ARHGEF18: variants seen among roughly 807,000 people sequenced by gnomAD.
ARHGEF18 encodes the protein rho guanine nucleotide exchange factor 18.
A neutral mutation model predicts 155.7 loss-of-function variants in ARHGEF18; 93 were observed. The ratio of observed to expected loss-of-function variants is 0.60; its 90% CI spans 0.50 to 0.71. The LOEUF (loss-of-function observed/expected upper bound fraction) is 0.71. Ranked by LOEUF, ARHGEF18 falls within the 30% of genes least tolerant of loss-of-function variation. The probability of loss-of-function intolerance (pLI) is 0.00; values close to 1 mark genes in which losing one functional copy is unlikely to be tolerated. For missense variants in ARHGEF18, 1,593 were observed against 1,816.1 expected (o/e 0.88, Z 2.23); for synonymous variants, 742 against 753.1 (o/e 0.99, Z 0.24).
chr19:7,462,119 C>T lies in ARHGEF18; in HGVS notation c.2453-33C>T, dbSNP rs757925153. On this transcript the variant is annotated intron_variant, in intron 20 of 28. Transcript: ENST00000668164. This position sits in a 1 kb window ranked among gnomAD's most constrained non-coding sequence, Gnocchi z 4.4. ...CAGATGATTCCAGGGAAGGCCGACCCGGCTGACTGCCACCTCCACCATCAC... is the reference window on the plus strand; with the variant it reads ...CAGATGATTCCAGGGAAGGCCGACCTGGCTGACTGCCACCTCCACCATCAC... The T allele has an allele frequency of 6.8e-6, 11 of 1,613,096 alleles. No individual in the cohort carries two copies. Among genetic ancestry groups the T allele is most frequent in the African/African-American group, 6.7e-5 (5 of 74,926 alleles).
At position 7,463,994 on chromosome 19, in the gene ARHGEF18, G is replaced by A. The variant is rs762075922; in HGVS notation, c.2773+39G>A. On this transcript the variant is annotated intron_variant, in intron 22 of 28. Coordinates refer to ENST00000668164, the MANE Select transcript of ARHGEF18 (RefSeq NM_001367823.1). This position sits in a 1 kb window ranked among gnomAD's most constrained non-coding sequence, Gnocchi z 5.2. ...CGTCTCCCCTCCTGCCTCCAGGGCC[G>A]CCCCTCAGGATGCACATTAACTTGT... 4.3e-5 allele frequency: 66 copies of A among 1,535,464 alleles called. 1 individual carries two copies. Among genetic ancestry groups the A allele is most frequent in the South Asian group, 2.9e-4 (24 of 83,432 alleles).
In ARHGEF18 at chr19:7,444,128, G is replaced by C; in HGVS notation, c.1361-76G>C. On this transcript the variant is annotated intron_variant, in intron 13 of 28. Transcript: ENST00000668164. The surrounding 1 kb of genome is among the most constrained non-coding windows in gnomAD (Gnocchi z 4.7). ...TCAGAAGCCAGTTCAGCACGTGAAG[G>C]GCAGGCAGCACCCACGACTGCCCAG... 1 of 1,568,112 alleles carries C rather than the reference G, an allele frequency of 6.4e-7. No homozygotes were observed. Among genetic ancestry groups the C allele is most frequent in the Non-Finnish European group, 8.7e-7 (1 of 1,153,242 alleles).
intron 10 of ARHGEF18, among the ~76,000 whole-genome samples, chr19:7,419,948 C>T (rs1309216807): frequency 6.6e-6 from 1 of 151,510 alleles, no homozygotes; most frequent in Non-Finnish European, 1.5e-5. Flanking sequence ...CCCAGGTGTA[C>T]TCACACTCGG....
intron 10 of ARHGEF18, chr19:7,394,891 C>A: frequency 5.0e-6 from 1 of 201,634 alleles, no homozygotes; most frequent in Non-Finnish European, 8.8e-6. Context: ...AGCCCCCCAA[C>A]CCCGCTGACC....
rs748735912 is a variant in ARHGEF18 at position 7,440,364 on chromosome 19, C to G, written c.988C>G (p.Arg330Gly). ...LSSASLKEHP[R>G]GTLLSDGSPA... ...CACAGCCTCGCTCAAGGAGCACCCC[C>G]GGGGCACCCTCCTGTCCGATGGCAG... is the stretch of plus-strand genomic sequence containing the variant. Residue 330 changes from arginine (R) to glycine (G), a missense_variant, in exon 11 of 29, where the codon CGG becomes GGG. Arg to Gly is a moderately radical substitution (Grantham distance 125). Coordinates refer to ENST00000668164, the MANE Select transcript of ARHGEF18 (RefSeq NM_001367823.1). The surrounding 1 kb of genome is among the most constrained non-coding windows in gnomAD (Gnocchi z 5.4). 1 of 1,612,502 alleles carries G rather than the reference C, an allele frequency of 6.2e-7. No individual in the cohort carries two copies. Among genetic ancestry groups the G allele is most frequent in the East Asian group, 2.2e-5 (1 of 44,868 alleles).
At chr19:7,355,634 G>A in intron 1 of ARHGEF18, 1 of 985,456 alleles carries the variant, frequency 1.0e-6, no homozygotes, top group Non-Finnish European at 1.2e-6. Context: ...CCCCATGGCT[G>A]ACTCGGTGCT....
At position 7,471,224 on chromosome 19, in the gene ARHGEF18, C is replaced by T. The variant is rs1004694811; in HGVS notation, c.*926C>T. The T allele has an allele frequency of 2.0e-4, 34 of 172,346 alleles. No individual in the cohort carries two copies. The East Asian group carries it at 4.6e-3, about 24-fold the overall frequency. 10.7% of individuals were successfully genotyped at this position (172,346 alleles called of 1,614,324 possible). A position where few individuals can be genotyped will look rare whatever the true frequency, so the allele number is the denominator to read the frequency against. On this transcript the variant is annotated 3_prime_UTR_variant, in exon 29 of 29. Coordinates refer to ENST00000668164, the MANE Select transcript of ARHGEF18 (RefSeq NM_001367823.1). The surrounding 1 kb of genome is among the most constrained non-coding windows in gnomAD (Gnocchi z 4.4). ...TGGGGGCTGGCACATCACAGACTGT[C>T]GAGAGCGCCATGTCCCAGGGCATGC...
rs541440437 is a variant in ARHGEF18, at chr19:7,389,964, G to A, written c.967+6761G>A. 7.2e-5 allele frequency among the ~76,000 whole-genome samples: 11 copies of A among 152,266 alleles called. No individual in the cohort carries two copies. The South Asian group carries it at 2.3e-3, about 32-fold the overall frequency. ...CTCCTGTAATCTCAGCGCTTTGGGA[G>A]GCTGAGGCAGGAGGATCCCTTGAGT... On this transcript the variant is annotated intron_variant, in intron 10 of 28. Coordinates refer to ENST00000668164, the MANE Select transcript of ARHGEF18 (RefSeq NM_001367823.1).
chr19:7,448,749 T>G (rs947277864), intron 15 of ARHGEF18, among the ~76,000 whole-genome samples: 1 of 151,862 alleles, frequency 6.6e-6, no homozygotes, highest in African/African-American at 2.4e-5. Context: ...TGTAGAATGA[T>G]CTTCCTGCCT....
rs552145889 is a variant in ARHGEF18, at chr19:7,440,404, G to A, written c.1028G>A (p.Arg343Lys). 6.2e-6 allele frequency: 10 copies of A among 1,607,848 alleles called. No homozygotes were observed. In the Admixed American group the frequency reaches 8.3e-5, roughly 13 times the overall value. Residue 343 changes from arginine to lysine, a missense_variant, in exon 11 of 29, where the codon AGG (arginine) becomes AAG (lysine). Arg to Lys is a conservative substitution (Grantham distance 26, BLOSUM62 2). Coordinates refer to ENST00000668164, the MANE Select transcript of ARHGEF18 (RefSeq NM_001367823.1). This position sits in a 1 kb window ranked among gnomAD's most constrained non-coding sequence, Gnocchi z 5.4. The stretch of plus-strand genomic sequence containing the variant: ...TCCGATGGCAGCCCGGCCCTGTCCA[G>A]GAATGTCGGTATGACGGTCTCTCAG... ...LLSDGSPALS[R>K]NVGMTVSQKG...
intron 10 of ARHGEF18, among the ~76,000 whole-genome samples, chr19:7,429,588 G>C (rs1973846391): frequency 6.6e-6 from 1 of 152,198 alleles, no homozygotes; most frequent in Non-Finnish European, 1.5e-5. Flanking sequence ...GGGCAACAGA[G>C]TGAGACTCCG....
At chr19:7,456,778 G>A (rs961993832) in intron 18 of ARHGEF18, among the ~76,000 whole-genome samples, 3 of 152,128 alleles carry the variant, frequency 2.0e-5, no homozygotes, top group African/African-American at 7.2e-5. Context: ...AAAAACAGAC[G>A]AAGGGCCCTG....
intron 10 of ARHGEF18, among the ~76,000 whole-genome samples, chr19:7,422,838 C>T (rs192447690): frequency 1.9e-4 from 28 of 151,086 alleles, no homozygotes; most frequent in African/African-American, 6.3e-4. Flanking sequence ...CCTGCCTCAG[C>T]CTCCCAAGAA....
intron 2 of ARHGEF18, among the ~76,000 whole-genome samples, chr19:7,367,842 T>TTA (rs377760107): frequency 6.2e-4 from 8 of 12,986 alleles, no homozygotes; most frequent in East Asian, 5.7e-3. Context: ...TATATATATT[T>TTA]TATATATATA....
At position 7,462,456 on chromosome 19, in the gene ARHGEF18, T is replaced by C. The variant is rs1384063025; in HGVS notation, c.2635+122T>C. On this transcript the variant is annotated intron_variant, in intron 21 of 28. Coordinates refer to ENST00000668164, the MANE Select transcript of ARHGEF18 (RefSeq NM_001367823.1). This position sits in a 1 kb window ranked among gnomAD's most constrained non-coding sequence, Gnocchi z 4.4. ...GCACCCTGTCCAGGACAGGCTTCTA[T>C]GTGGGGGGGGCCCAGGAGCAGCACT... The C allele has an allele frequency of 3.5e-6, 4 of 1,137,592 alleles. No individual in the cohort carries two copies. Among genetic ancestry groups the C allele is most frequent in the Non-Finnish European group, 4.5e-6 (4 of 880,986 alleles). 70.5% of individuals were successfully genotyped at this position (1,137,592 alleles called of 1,614,324 possible).
chr19:7,479,953 C>T, the ARHGEF18 span, among the ~76,000 whole-genome samples: 33 of 152,136 alleles, frequency 2.2e-4, no homozygotes, highest in South Asian at 6.9e-3. Context: ...TGCCATGAGC[C>T]TAAAACTGCT....
intron 10 of ARHGEF18, among the ~76,000 whole-genome samples, chr19:7,394,189 G>A (rs956881772): frequency 1.3e-5 from 2 of 151,730 alleles, no homozygotes; most frequent in African/African-American, 4.8e-5. Context: ...CCAGGCTCAA[G>A]TCATCCTCCC....
intron 10 of ARHGEF18, among the ~76,000 whole-genome samples, chr19:7,397,919 A>ATG (rs1022020195): frequency 5.3e-5 from 8 of 152,050 alleles, no homozygotes. Flanking sequence ...TGTATTTATC[A>ATG]TGTGCAACGT....
chr19:7,410,809 C>CAAAAAAA (rs58022667), intron 10 of ARHGEF18, among the ~76,000 whole-genome samples: 4 of 82,284 alleles, frequency 4.9e-5, no homozygotes, highest in Admixed American at 1.7e-4. Flanking sequence ...GACTCCATCT[C>CAAAAAAA]AAAAAAAAAA....
Sources: gnomAD v4.1 joint callset for allele counts (sites outside exome capture counted in the v4.1 genomes callset) on GRCh38, gnomAD v4.1.1 for gene constraint, Gnocchi (gnomAD v3.1) non-coding constraint, MANE v1.5 for transcripts, NCBI Gene and HGNC (gene_info 2026-07-23, HGNC 2026-07-21) for gene names.